Variants in LDB2 observed in about 807,000 individuals in gnomAD.
LDB2 encodes the protein LIM domain-binding protein 2.
A neutral mutation model predicts 44.3 loss-of-function variants in LDB2; 12 were observed. That is an observed-to-expected ratio of 0.27 (90% CI 0.17 to 0.44). LDB2 has a LOEUF of 0.44. Among genes scored for constraint, LDB2 ranks in the 20% least tolerant of loss-of-function variants. The pLI, the probability that LDB2 is intolerant of heterozygous loss-of-function variation, is 1.00. For missense variants in LDB2, 344 were observed against 473.5 expected, an observed-to-expected ratio of 0.73 and a Z score of 2.54; for synonymous variants, 164 against 174.8, an observed-to-expected ratio of 0.94 and a Z score of 0.49.
chr4:16,548,255 G>A (rs987940933), intron 5 of LDB2, among the ~76,000 whole-genome samples: 2 of 152,130 alleles, frequency 1.3e-5, no homozygotes, highest in South Asian at 4.1e-4. Flanking sequence ...TACCTTAGGA[G>A]CCCATGTTCC....
chr4:16,606,454 G>A (rs924690585), intron 2 of LDB2, among the ~76,000 whole-genome samples: 1 of 152,254 alleles, frequency 6.6e-6, no homozygotes, highest in East Asian at 1.9e-4. Flanking sequence ...GATAGTACCT[G>A]TTTCACCCAC....
intron 2 of LDB2, among the ~76,000 whole-genome samples, chr4:16,620,742 C>T (rs553224950): frequency 7.2e-5 from 11 of 152,304 alleles, no homozygotes; most frequent in African/African-American, 2.4e-4. Context: ...GTGTGTTCTA[C>T]TCAGCTTCTC....
At chr4:16,633,752 G>A (rs1204053058) in intron 2 of LDB2, among the ~76,000 whole-genome samples, 4 of 152,122 alleles carry the variant, frequency 2.6e-5, no homozygotes, top group Admixed American at 2.6e-4. Flanking sequence ...CACAGAACTG[G>A]AAAAAACTAT....
Position 16,785,012 on chromosome 4 carries a change from T to TC in LDB2, c.133-25753_133-25752insG, listed in dbSNP as rs201477980. 9.4e-3 allele frequency among the ~76,000 whole-genome samples: 1,420 copies of TC among 151,648 alleles called. 19 individuals carry two copies. Among genetic ancestry groups the TC allele is most frequent in the African/African-American group, 0.032 (1,342 of 41,360 alleles). On this transcript the variant is annotated intron_variant, in intron 1 of 7. Transcript: ENST00000304523. The stretch of plus-strand genomic sequence containing the variant: ...TTGCTCTATAATTGAAGAACAGTTT[T>TC]TTTTTCATTGTTATTAATGGCATGC...
At chr4:16,771,682 G>A (rs564730845) in intron 1 of LDB2, among the ~76,000 whole-genome samples, 61 of 152,220 alleles carry the variant, frequency 4.0e-4, no homozygotes, top group African/African-American at 1.4e-3. Context: ...CCTCCAATCT[G>A]TCAGCAAATC....
In LDB2 at chr4:16,508,526, G is replaced by C; in HGVS notation, c.891+9C>G. 6.5e-7 allele frequency: 1 copy of C among 1,548,980 alleles called. No individual in the cohort carries two copies. The highest frequency in any genetic ancestry group is 8.8e-7 in the Non-Finnish European group (1 of 1,142,698). ...AGGATTTCGGGCCTAAGAGGAAAGCGAGACTTACAGGTACCTGACTGGACA... is the reference window on the plus strand; with the variant it reads ...AGGATTTCGGGCCTAAGAGGAAAGCCAGACTTACAGGTACCTGACTGGACA... On this transcript the variant is annotated intron_variant, in intron 7 of 7. Transcript: ENST00000304523.
rs368525961 is a variant in LDB2, at chr4:16,555,887, G to A, written c.615+30035C>T. ...ACTCACCCCTGTCCAATTCAATCTC[G>A]CGTTACTCTCCCTATCACCCCATGC... On this transcript the variant is annotated intron_variant, in intron 5 of 7. Transcript: ENST00000304523. Among the ~76,000 whole-genome samples the A allele has an allele frequency of 2.8e-4, 43 of 152,138 alleles. No homozygotes were observed. In the South Asian group the frequency reaches 6.0e-3, roughly 21 times the overall value.
At chr4:16,698,716 A>T (rs1392320290) in intron 2 of LDB2, among the ~76,000 whole-genome samples, 3 of 152,172 alleles carry the variant, frequency 2.0e-5, no homozygotes, top group Non-Finnish European at 4.4e-5. Flanking sequence ...TATTTATGAC[A>T]TACTTATTAG....
At chr4:16,522,622 C>A (rs539385540) in intron 5 of LDB2, among the ~76,000 whole-genome samples, 1 of 152,222 alleles carries the variant, frequency 6.6e-6, no homozygotes, top group Admixed American at 6.5e-5. Context: ...TGCTGAGGAA[C>A]AACTCTATGT....
At chr4:16,714,314 T>A (rs1442751892) in intron 2 of LDB2, among the ~76,000 whole-genome samples, 2 of 152,210 alleles carry the variant, frequency 1.3e-5, no homozygotes, top group African/African-American at 2.4e-5. Context: ...AGTACATACA[T>A]GCTCAACTCA....
chr4:16,594,298 T>A (rs1211783284), intron 3 of LDB2, among the ~76,000 whole-genome samples: 1 of 152,224 alleles, frequency 6.6e-6, no homozygotes, highest in East Asian at 1.9e-4. Flanking sequence ...TACAAGATTA[T>A]GTAAATGTTC....
intron 2 of LDB2, among the ~76,000 whole-genome samples, chr4:16,700,734 C>A (rs996277017): frequency 6.6e-6 from 1 of 152,146 alleles, no homozygotes; most frequent in Non-Finnish European, 1.5e-5. Flanking sequence ...CAAAATCTCA[C>A]TGAATTGTGA....
chr4:16,531,269 C>T (rs1730053585), intron 5 of LDB2, among the ~76,000 whole-genome samples: 1 of 152,236 alleles, frequency 6.6e-6, no homozygotes, highest in Admixed American at 6.5e-5. Context: ...TTGCCAAGTC[C>T]TCTTTTCTCA....
intron 1 of LDB2, among the ~76,000 whole-genome samples, chr4:16,843,653 G>T (rs559481988): frequency 1.3e-5 from 2 of 151,840 alleles, no homozygotes; most frequent in Non-Finnish European, 2.9e-5. Flanking sequence ...ACAGAGTCTC[G>T]CTCTGTTCCC....
At chr4:16,893,139 C>G (rs900821422) in intron 1 of LDB2, 2 of 851,390 alleles carry the variant, frequency 2.3e-6, no homozygotes, top group African/African-American at 3.7e-5. Context: ...ATTTTTAAAA[C>G]TGCACTTTTG....
chr4:16,595,908 A>G (rs1262277344), intron 2 of LDB2, 33 bp from the exon 3 acceptor site: 1 of 1,602,926 alleles, frequency 6.2e-7, no homozygotes, highest in Non-Finnish European at 8.5e-7. Flanking sequence ...CAAACCATTA[A>G]CAAAAATATC....
chr4:16,588,031 G>A (rs552536334), intron 4 of LDB2, among the ~76,000 whole-genome samples: 10 of 152,304 alleles, frequency 6.6e-5, no homozygotes, highest in Non-Finnish European at 1.0e-4. Flanking sequence ...GAAGCATCAT[G>A]TATTATAGAG....
chr4:16,653,250 C>T (rs894712411), intron 2 of LDB2, among the ~76,000 whole-genome samples: 3 of 152,094 alleles, frequency 2.0e-5, no homozygotes, highest in Non-Finnish European at 2.9e-5. Context: ...CATTTTTTGG[C>T]TTCTGCTAAT....
chr4:16,825,620 C>T (rs1176875233), intron 1 of LDB2, among the ~76,000 whole-genome samples: 2 of 151,934 alleles, frequency 1.3e-5, no homozygotes, highest in Non-Finnish European at 2.9e-5. Context: ...TTAAACTGAG[C>T]CCAGGTTTAC....
Sources: allele counts gnomAD v4.1 joint callset (sites outside exome capture counted in the v4.1 genomes callset), GRCh38; gene constraint gnomAD v4.1.1; transcripts MANE v1.5; gene names NCBI Gene and HGNC (gene_info 2026-07-23, HGNC 2026-07-21).